The following CACNB2 variants were observed in gnomAD, a reference collection of about 807,000 sequenced individuals.
CACNB2 encodes voltage-dependent L-type calcium channel subunit beta-2.
CACNB2 carries 42 observed loss-of-function variants against 73.3 expected under a neutral mutation model. The observed-to-expected ratio is 0.57, with a 90% CI of 0.45 to 0.74. CACNB2 has a LOEUF of 0.74. CACNB2 is among the 30% of genes least tolerant of loss of function. CACNB2 has a pLI of 0.00. For synonymous variants in CACNB2, 348 were observed against 310.3 expected (o/e 1.12, Z -1.28); for missense variants, 940 against 853.0 (o/e 1.10, Z -1.27).
chr10:18,438,749 G>T (rs1046460990), intron 3 of CACNB2, among the ~76,000 whole-genome samples: 7 of 152,218 alleles, frequency 4.6e-5, no homozygotes, highest in African/African-American at 1.4e-4. Flanking sequence ...TCCCAGTTCT[G>T]TTCTCCCTGG....
intron 2 of CACNB2, among the ~76,000 whole-genome samples, chr10:18,385,741 G>A (rs1447692779): frequency 1.3e-5 from 2 of 150,630 alleles, no homozygotes; most frequent in African/African-American, 2.4e-5. Context: ...TTTTTCTGAT[G>A]CTTTTTTCTT....
At chr10:18,486,100 T>C (rs1480077555) in intron 3 of CACNB2, among the ~76,000 whole-genome samples, 1 of 152,154 alleles carries the variant, frequency 6.6e-6, no homozygotes. Context: ...CACCTTTGTA[T>C]TAGGAAATGA....
chr10:18,210,835 A>G (rs369042017), intron 2 of CACNB2, among the ~76,000 whole-genome samples: 68 of 152,320 alleles, frequency 4.5e-4, no homozygotes, highest in African/African-American at 1.4e-3. Flanking sequence ...TTGCATGCAC[A>G]TTATGGAAAG....
intron 3 of CACNB2, among the ~76,000 whole-genome samples, chr10:18,435,966 G>A (rs778720115): frequency 3.3e-5 from 5 of 152,190 alleles, no homozygotes; most frequent in East Asian, 1.9e-4. Flanking sequence ...AGAACACAGC[G>A]GTTTTGCATA....
At chr10:18,500,186 A>T (rs928363059) in intron 4 of CACNB2, among the ~76,000 whole-genome samples, 1 of 152,238 alleles carries the variant, frequency 6.6e-6, no homozygotes, top group African/African-American at 2.4e-5. Flanking sequence ...AAAGAAAAAC[A>T]GAATGTATAT....
chr10:18,506,604 C>G lies in CACNB2; in HGVS notation c.670+57C>G. On this transcript the variant is annotated intron_variant, in intron 6 of 13. Coordinates refer to ENST00000324631, the MANE Select transcript of CACNB2 (RefSeq NM_201596.3). ...ACTGCATTTCATGCTTTCCCCAGCT[C>G]TATCCAGTTTTGTGAATTTACGTAT... The G allele has an allele frequency of 3.6e-6, 4 of 1,119,462 alleles. No homozygotes were observed. In the South Asian group the frequency reaches 5.0e-5, roughly 14 times the overall value. 69.3% of individuals were successfully genotyped at this position (1,119,462 alleles called of 1,614,324 possible).
chr10:18,366,428 G>GCA (rs2042353773), intron 2 of CACNB2, among the ~76,000 whole-genome samples: 1 of 146,200 alleles, frequency 6.8e-6, no homozygotes, highest in Admixed American at 6.9e-5. Context: ...TCGCGCCACT[G>GCA]CACTCCAGCC....
chr10:18,468,621 C>T (rs546409637), intron 3 of CACNB2, among the ~76,000 whole-genome samples: 10 of 152,108 alleles, frequency 6.6e-5, no homozygotes, highest in South Asian at 2.1e-4. Flanking sequence ...TGTTTTGAGA[C>T]GGAGTTTTAC....
chr10:18,516,110 G>A (rs2051251099), intron 7 of CACNB2, among the ~76,000 whole-genome samples: 2 of 152,096 alleles, frequency 1.3e-5, no homozygotes, highest in South Asian at 4.1e-4. Flanking sequence ...AGCTACTTGG[G>A]AGGCTGTGGC....
In CACNB2 at chr10:18,316,463, CCT is replaced by C. The variant is rs1377559831; in HGVS notation, c.214-85456_214-85455del. On this transcript the variant is annotated intron_variant, in intron 2 of 13. Coordinates refer to ENST00000324631, the MANE Select transcript of CACNB2 (RefSeq NM_201596.3). ...AAAGGTCTTTCTTTTTTTCTTCCCC[CCT>C]CTCTTTTTTTTTTTTTAAGACAGAG... 7.9e-5 allele frequency among the ~76,000 whole-genome samples: 12 copies of C among 151,294 alleles called. No homozygotes were observed. The South Asian group carries it at 1.2e-3, about 16-fold the overall frequency.
In CACNB2 at chr10:18,542,718, A is replaced by G. The variant is rs1210513405; in HGVS notation, c.*2994A>G. On this transcript the variant is annotated 3_prime_UTR_variant, in exon 14 of 14. Transcript: ENST00000324631. ...GGACATATGTGTAAACTGTGTAGTAAATCTGTAAATGAGGAAATAATCTCA... is the reference window on the plus strand; with the variant it reads ...GGACATATGTGTAAACTGTGTAGTAGATCTGTAAATGAGGAAATAATCTCA... 1.3e-5 allele frequency: 2 copies of G among 152,194 alleles called. No homozygotes were observed. Among genetic ancestry groups the G allele is most frequent in the African/African-American group, 2.4e-5 (1 of 41,454 alleles). 9.4% of individuals were successfully genotyped at this position (152,194 alleles called of 1,614,324 possible). A position where few individuals can be genotyped will look rare whatever the true frequency, so the allele number is the denominator to read the frequency against.
Position 18,419,452 on chromosome 10 carries a change from G to A in CACNB2, c.333+17409G>A, listed in dbSNP as rs891552341. On this transcript the variant is annotated intron_variant, in intron 3 of 13. Transcript: ENST00000324631. The stretch of plus-strand genomic sequence containing the variant: ...AAATGAGAGAGAGAGAAGGTGACAC[G>A]GAGCCCTAGTCACACAGCTATGATT... 6.6e-5 allele frequency among the ~76,000 whole-genome samples: 10 copies of A among 152,242 alleles called. No individual in the cohort carries two copies. In the South Asian group the frequency reaches 8.3e-4, roughly 13 times the overall value.
intron 3 of CACNB2, among the ~76,000 whole-genome samples, chr10:18,461,484 G>T (rs916645028): frequency 1.3e-5 from 2 of 151,564 alleles, no homozygotes; most frequent in Non-Finnish European, 2.9e-5. Flanking sequence ...TTTTGAATGT[G>T]TGTGCTTTAA....
intron 3 of CACNB2, among the ~76,000 whole-genome samples, chr10:18,407,057 A>T (rs2044326219): frequency 7.4e-6 from 1 of 134,648 alleles, no homozygotes; most frequent in South Asian, 2.6e-4. Flanking sequence ...TTTTCTGCAG[A>T]TTTGTGAAGG....
chr10:18,398,016 A>G (rs1293489045), intron 2 of CACNB2, among the ~76,000 whole-genome samples: 1 of 152,218 alleles, frequency 6.6e-6, no homozygotes, highest in African/African-American at 2.4e-5. Flanking sequence ...TCACGTTGTA[A>G]GAGCCCTAGA....
chr10:18,159,825 A>T (rs567964914), intron 2 of CACNB2, among the ~76,000 whole-genome samples: 120 of 152,314 alleles, frequency 7.9e-4, no homozygotes, highest in African/African-American at 2.8e-3. Flanking sequence ...TTGCCTTGTT[A>T]TGCTGTATGC....
At chr10:18,279,664 A>C (rs541611933) in intron 2 of CACNB2, among the ~76,000 whole-genome samples, 1 of 152,390 alleles carries the variant, frequency 6.6e-6, no homozygotes, top group Non-Finnish European at 1.5e-5. Context: ...CATAAGAAGT[A>C]TCATGACCTA....
chr10:18,210,916 T>G (rs2035291476), intron 2 of CACNB2, among the ~76,000 whole-genome samples: 1 of 152,214 alleles, frequency 6.6e-6, no homozygotes, highest in Non-Finnish European at 1.5e-5. Context: ...CATTTACCAT[T>G]TCTTATCTGC....
chr10:18,342,905 G>A (rs2041291646), intron 2 of CACNB2, among the ~76,000 whole-genome samples: 1 of 152,034 alleles, frequency 6.6e-6, no homozygotes, highest in Non-Finnish European at 1.5e-5. Context: ...TGAATAAACT[G>A]TGTGGTCTTT....
Sources: gnomAD v4.1 joint callset for allele counts (sites outside exome capture counted in the v4.1 genomes callset) on GRCh38, gnomAD v4.1.1 for gene constraint, MANE v1.5 for transcripts, NCBI Gene and HGNC (gene_info 2026-07-23, HGNC 2026-07-21) for gene names.